RFC1: variants seen among roughly 807,000 people sequenced by gnomAD.
RFC1 encodes the protein A1 140 kDa subunit.
RFC1 carries 37 observed loss-of-function variants against 137.4 expected under a neutral mutation model. The observed-to-expected ratio is 0.27, with a 90% confidence interval of 0.21 to 0.35. RFC1 has a LOEUF of 0.35. Among genes scored for constraint, RFC1 ranks in the 10% least tolerant of loss-of-function variants. The pLI, the probability that RFC1 is intolerant of heterozygous loss-of-function variation, is 1.00. For synonymous variants in RFC1, 429 were observed against 455.7 expected (o/e 0.94, Z 0.75); for missense variants, 1,205 against 1,358.5 (o/e 0.89, Z 1.78).
At chr4:39,306,904 A>G (rs915946895) in intron 13 of RFC1, among the ~76,000 whole-genome samples, 15 of 152,104 alleles carry the variant, frequency 9.9e-5, no homozygotes, top group African/African-American at 3.6e-4. Context: ...CCCCACCCAA[A>G]ATAAAAAACT....
chr4:39,296,950 T>C (rs1445414637), intron 21 of RFC1, among the ~76,000 whole-genome samples: 2 of 151,828 alleles, frequency 1.3e-5, no homozygotes, highest in East Asian at 1.9e-4. Flanking sequence ...CCATTCTAAC[T>C]GGTGTGAGAT....
chr4:39,299,543 G>A (rs1479192066), intron 21 of RFC1, among the ~76,000 whole-genome samples: 1 of 150,096 alleles, frequency 6.7e-6, no homozygotes, highest in Admixed American at 6.7e-5. Flanking sequence ...AACCCAGGAG[G>A]CGGAGCTTGC....
At chr4:39,296,642 CA>C (rs1471643882) in intron 21 of RFC1, among the ~76,000 whole-genome samples, 6 of 151,374 alleles carry the variant, frequency 4.0e-5, no homozygotes, top group African/African-American at 1.5e-4. Flanking sequence ...TTTCTTAATC[CA>C]GTCTATCATT....
At chr4:39,333,345 A>G (rs749818143) in intron 4 of RFC1, among the ~76,000 whole-genome samples, 1 of 152,202 alleles carries the variant, frequency 6.6e-6, no homozygotes, top group Non-Finnish European at 1.5e-5. Flanking sequence ...ACACACCAGA[A>G]CCTTAAAGAA....
At chr4:39,332,806 G>A (rs1269020950) in intron 4 of RFC1, among the ~76,000 whole-genome samples, 1 of 152,098 alleles carries the variant, frequency 6.6e-6, no homozygotes, top group Non-Finnish European at 1.5e-5. Flanking sequence ...CAACATTTAG[G>A]TTACTGGGAA....
At chr4:39,296,359 G>A (rs1411965134) in intron 21 of RFC1, among the ~76,000 whole-genome samples, 6 of 127,392 alleles carry the variant, frequency 4.7e-5, no homozygotes, top group Admixed American at 8.2e-5. Flanking sequence ...CCACTAACTC[G>A]TCATCTAGCA....
chr4:39,332,300 A>C lies in RFC1; in HGVS notation c.332-4544T>G, dbSNP rs1740142009. Among the ~76,000 whole-genome samples the C allele has an allele frequency of 1.3e-5, 2 of 151,904 alleles. 1 individual carries two copies. The highest frequency in any genetic ancestry group is 4.2e-4 in the South Asian group (2 of 4,806). On this transcript the variant is annotated intron_variant, in intron 4 of 24. Coordinates refer to ENST00000349703, the MANE Select transcript of RFC1 (RefSeq NM_002913.5). ...TTTCAGAGTCAGTGCTTTAGTTTCT[A>C]CCTCCTCTCCACTCTTCTTTGCTTA...
intron 4 of RFC1, among the ~76,000 whole-genome samples, chr4:39,334,012 G>A (rs978324431): frequency 8.6e-5 from 13 of 152,040 alleles, no homozygotes; most frequent in African/African-American, 2.7e-4. Context: ...CCCCTAGGAA[G>A]GTACGAGTAA....
intron 10 of RFC1, among the ~76,000 whole-genome samples, chr4:39,314,748 T>C (rs1324192907): frequency 6.6e-6 from 1 of 152,102 alleles, no homozygotes; most frequent in Non-Finnish European, 1.5e-5. Flanking sequence ...CTCTCTTTAT[T>C]AGGGGAGCTA....
At chr4:39,333,593 CA>C (rs1740212126) in intron 4 of RFC1, among the ~76,000 whole-genome samples, 1 of 151,450 alleles carries the variant, frequency 6.6e-6, no homozygotes, top group Non-Finnish European at 1.5e-5. Context: ...ATGAAAATAG[CA>C]AAACGGCTGT....
chr4:39,347,288 C>T (rs746354470), intron 2 of RFC1, among the ~76,000 whole-genome samples: 1 of 152,196 alleles, frequency 6.6e-6, no homozygotes, highest in Non-Finnish European at 1.5e-5. Flanking sequence ...CTCATCTAAT[C>T]AGCTGAAAGC....
At chr4:39,293,755 T>C (rs1418707075) in intron 22 of RFC1, among the ~76,000 whole-genome samples, 1 of 152,028 alleles carries the variant, frequency 6.6e-6, no homozygotes, top group Admixed American at 6.6e-5. Context: ...AGTCCAGGGC[T>C]CAAAATCTAC....
At chr4:39,355,117 A>G (rs1294178030) in intron 1 of RFC1, among the ~76,000 whole-genome samples, 1 of 148,014 alleles carries the variant, frequency 6.8e-6, no homozygotes, top group African/African-American at 2.5e-5. Context: ...ACACACACAC[A>G]CACACACACA....
intron 23 of RFC1, 72 bp downstream of exon 23, chr4:39,291,567 C>T (rs1384607379): frequency 9.3e-7 from 1 of 1,071,584 alleles, no homozygotes; most frequent in African/African-American, 1.6e-5. Flanking sequence ...GCATCTAAAA[C>T]ACCTCCGAAG....
At chr4:39,294,885 T>A (rs1375254551) in intron 22 of RFC1, among the ~76,000 whole-genome samples, 2 of 151,924 alleles carry the variant, frequency 1.3e-5, no homozygotes, top group African/African-American at 4.8e-5. Flanking sequence ...GCGCCTATAA[T>A]CCCAGCTACT....
chr4:39,318,856 C>T (rs995869655), intron 9 of RFC1, among the ~76,000 whole-genome samples: 9 of 152,168 alleles, frequency 5.9e-5, no homozygotes, highest in Non-Finnish European at 1.2e-4. Flanking sequence ...ATGGTGATGA[C>T]CAGTTAAAAT....
At chr4:39,345,755 A>C (rs935712879) in intron 2 of RFC1, among the ~76,000 whole-genome samples, 2 of 152,050 alleles carry the variant, frequency 1.3e-5, no homozygotes, top group African/African-American at 4.8e-5. Flanking sequence ...AGTCGTTTTA[A>C]CCAGGGGGAA....
rs1737588282 is a variant in RFC1, at chr4:39,290,108, C to G, written c.3169-69G>C. The G allele has an allele frequency of 5.2e-6, 6 of 1,150,714 alleles. No homozygotes were observed. The Admixed American group carries it at 1.1e-4, about 21-fold the overall frequency. The allele number at this position is 1,150,714 out of a possible 1,614,324, so 71.3% of individuals were successfully genotyped here. On this transcript the variant is annotated intron_variant, in intron 23 of 24. Transcript: ENST00000349703. ...AAACAATTCTTTTAAACTCTGTAAG[C>G]CTAAAGAGACCCTGGGAGCCCCCTG...
At position 39,312,259 on chromosome 4, in the gene RFC1, G is replaced by A. The variant is rs193021094; in HGVS notation, c.1383+493C>T. On this transcript the variant is annotated intron_variant, in intron 11 of 24. Coordinates refer to ENST00000349703, the MANE Select transcript of RFC1 (RefSeq NM_002913.5). ...TAAGGACAGATGGAGGAACCACATCGTTGAGATGCCGAACTATCCCAGCAA... is the reference window on the plus strand; with the variant it reads ...TAAGGACAGATGGAGGAACCACATCATTGAGATGCCGAACTATCCCAGCAA... Among the ~76,000 whole-genome samples, 9 of 152,312 alleles carry A rather than the reference G, an allele frequency of 5.9e-5. No homozygotes were observed. The South Asian group carries it at 6.2e-4, about 11-fold the overall frequency.
Sources: allele counts gnomAD v4.1 joint callset (sites outside exome capture counted in the v4.1 genomes callset), GRCh38; gene constraint gnomAD v4.1.1; transcripts MANE v1.5; gene names NCBI Gene and HGNC (gene_info 2026-07-23, HGNC 2026-07-21).